Variants in VIT observed in about 807,000 individuals in gnomAD.
VIT encodes vitrin.
VIT carries 99 observed loss-of-function variants against 78.0 expected under a neutral mutation model. The observed-to-expected ratio is 1.27, with a 90% CI of 1.08 to 1.50. VIT has a LOEUF of 1.50. Among genes scored for constraint, VIT ranks in the 40% most tolerant of loss-of-function variants. The pLI is 0.00. For synonymous variants in VIT, 374 were observed against 334.3 expected, an observed-to-expected ratio of 1.12 and a Z score of -1.29; for missense variants, 1,126 against 875.3, an observed-to-expected ratio of 1.29 and a Z score of -3.61.
intron 4 of VIT, among the ~76,000 whole-genome samples, chr2:36,750,113 A>T (rs894761842): frequency 6.6e-6 from 1 of 152,256 alleles, no homozygotes; most frequent in Non-Finnish European, 1.5e-5. Context: ...GCTGTTCCAT[A>T]ACTCCAGACT....
At chr2:36,736,816 G>T (rs775026730) in intron 3 of VIT, among the ~76,000 whole-genome samples, 1 of 152,098 alleles carries the variant, frequency 6.6e-6, no homozygotes, top group Non-Finnish European at 1.5e-5. Context: ...CTTACAATGG[G>T]GTTGTGTTTT....
intron 2 of VIT, among the ~76,000 whole-genome samples, chr2:36,716,923 C>A (rs12987032): frequency 0.46 from 62,649 of 134,814 alleles, 16,001 homozygotes; most frequent in Admixed American, 0.64. Context: ...CTTGCCCAGG[C>A]TGGAATGCAG....
intron 2 of VIT, 111 bp from the exon 3 acceptor site, chr2:36,729,315 A>G: frequency 1.1e-6 from 1 of 876,408 alleles, no homozygotes; most frequent in Non-Finnish European, 1.7e-6. Flanking sequence ...AGGGAAAATT[A>G]GTTCTGCCAT....
chr2:36,806,044 A>C (rs1033739347), intron 14 of VIT, among the ~76,000 whole-genome samples: 2 of 152,086 alleles, frequency 1.3e-5, no homozygotes, highest in African/African-American at 4.8e-5. Flanking sequence ...TCCTGTATAC[A>C]CACATTGCCG....
chr2:36,811,695 G>T (rs1012435598), intron 15 of VIT, among the ~76,000 whole-genome samples: 5 of 148,186 alleles, frequency 3.4e-5, no homozygotes, highest in African/African-American at 1.2e-4. Flanking sequence ...CTTTTGAGAC[G>T]GAGTTTCGCT....
At position 36,787,232 on chromosome 2, in the gene VIT, T is replaced by A; in HGVS notation, c.1014T>A (p.Leu338=). The part of the protein sequence containing the change: ...KQLLADVAQA[L]DIGPAGPLMG... ...TCCTGGCTGATGTTGCCCAAGCTCTTGACATTGGCCCTGCCGGTCCACTGA... is the reference window on the plus strand; with the variant it reads ...TCCTGGCTGATGTTGCCCAAGCTCTAGACATTGGCCCTGCCGGTCCACTGA... Residue 338 remains leucine (L), a synonymous_variant, in exon 12 of 16, where the codon CTT becomes CTA. Transcript: ENST00000379242. 1 of 1,614,160 alleles carries A rather than the reference T, an allele frequency of 6.2e-7. No individual in the cohort carries two copies. The highest frequency in any genetic ancestry group is 8.5e-7 in the Non-Finnish European group (1 of 1,180,000).
intron 6 of VIT, among the ~76,000 whole-genome samples, 179 bp from the exon 7 acceptor site, chr2:36,766,915 T>C (rs1669464213): frequency 1.3e-5 from 2 of 152,266 alleles, no homozygotes; most frequent in Non-Finnish European, 2.9e-5. Flanking sequence ...GAGTGATTGC[T>C]CTGAGAGCAT....
At chr2:36,753,780 C>T (rs931315151) in intron 4 of VIT, among the ~76,000 whole-genome samples, 9 of 152,084 alleles carry the variant, frequency 5.9e-5, no homozygotes, top group Admixed American at 1.3e-4. Flanking sequence ...ACAGGGAGCC[C>T]GGAGAGAAGA....
chr2:36,777,756 G>T (rs946022214), intron 9 of VIT, among the ~76,000 whole-genome samples: 2 of 152,174 alleles, frequency 1.3e-5, no homozygotes, highest in African/African-American at 4.8e-5. Flanking sequence ...TTAGTCGGCT[G>T]CAATCTTCCT....
chr2:36,808,542 A>G lies in VIT; in HGVS notation c.1460A>G (p.Gln487Arg), dbSNP rs777034476. 5.0e-6 allele frequency: 8 copies of G among 1,614,080 alleles called. No individual in the cohort carries two copies. Among genetic ancestry groups the G allele is most frequent in the Non-Finnish European group, 6.8e-6 (8 of 1,180,026 alleles). The change falls in exon 15 of 16, where the codon CAG becomes CGG. Residue 487 changes from glutamine to arginine, a missense_variant. By Grantham distance (43) the Gln-to-Arg change is conservative (BLOSUM62 1). Transcript: ENST00000379242. ...QSWFGLHKTL[Q>R]PLVKRVCDTD... ...TGGTTTGGCCTCCACAAGACCCTGC[A>G]GCCTCTGGTGAAGCGGGTCTGCGAC... is the stretch of plus-strand genomic sequence containing the variant.
intron 12 of VIT, chr2:36,788,029 T>C (rs1225252979): frequency 6.7e-6 from 2 of 296,466 alleles, no homozygotes; most frequent in Non-Finnish European, 1.3e-5. Flanking sequence ...TACATAGATA[T>C]TGATAATAAA....
chr2:36,746,602 A>G (rs147615272), intron 4 of VIT, among the ~76,000 whole-genome samples: 2 of 152,278 alleles, frequency 1.3e-5, no homozygotes, highest in Non-Finnish European at 2.9e-5. Context: ...TCTTCAAAAT[A>G]GTTTCTGAAG....
intron 2 of VIT, among the ~76,000 whole-genome samples, chr2:36,722,270 G>C (rs981779335): frequency 3.3e-5 from 5 of 152,140 alleles, no homozygotes; most frequent in Non-Finnish European, 7.4e-5. Flanking sequence ...GGAGTAAAGA[G>C]GCCGACACTG....
intron 13 of VIT, 117 bp downstream of exon 13, chr2:36,801,521 C>G: frequency 1.0e-6 from 1 of 987,046 alleles, no homozygotes; most frequent in Non-Finnish European, 1.5e-6. Context: ...CAAGAAATAA[C>G]TTCTGGTCGG....
At chr2:36,759,736 A>G (rs1258229574) in intron 6 of VIT, 3 of 906,156 alleles carry the variant, frequency 3.3e-6, no homozygotes, top group Non-Finnish European at 4.0e-6. Flanking sequence ...TATGAGCCTG[A>G]TAGTTCAGGT....
intron 4 of VIT, among the ~76,000 whole-genome samples, chr2:36,748,556 T>C (rs894008711): frequency 3.9e-5 from 6 of 152,232 alleles, no homozygotes; most frequent in African/African-American, 1.4e-4. Flanking sequence ...TATTATGAAA[T>C]TCCTGTAGTA....
At chr2:36,709,673 G>A (rs1280517201) in intron 1 of VIT, among the ~76,000 whole-genome samples, 3 of 152,160 alleles carry the variant, frequency 2.0e-5, no homozygotes, top group Non-Finnish European at 2.9e-5. Context: ...GGTTTGTGGT[G>A]AGGGTTGGTA....
At chr2:36,812,861 CTTT>C (rs5830441) in intron 15 of VIT, among the ~76,000 whole-genome samples, 7 of 110,250 alleles carry the variant, frequency 6.3e-5, no homozygotes, top group Admixed American at 1.0e-4. Flanking sequence ...TTTTCTTCTT[CTTT>C]TTTTTTTTTT....
intron 1 of VIT, among the ~76,000 whole-genome samples, chr2:36,715,306 G>A (rs957153029): frequency 5.3e-5 from 8 of 152,094 alleles, no homozygotes; most frequent in South Asian, 4.2e-4. Flanking sequence ...TTGGGAGGCC[G>A]AGGCAGGTGG....
Sources: gnomAD v4.1 joint callset for allele counts (sites outside exome capture counted in the v4.1 genomes callset) on GRCh38, gnomAD v4.1.1 for gene constraint, MANE v1.5 for transcripts, NCBI Gene and HGNC (gene_info 2026-07-23, HGNC 2026-07-21) for gene names.